TMEM35A: variants seen among roughly 807,000 people sequenced by gnomAD.
The protein encoded by TMEM35A is transmembrane protein 35A.
For missense variants in TMEM35A, 83 were observed against 132.7 expected, an observed-to-expected ratio of 0.63 and a Z score of 1.84; for synonymous variants, 50 against 54.7, an observed-to-expected ratio of 0.91 and a Z score of 0.38.
intron 1 of TMEM35A, among the ~76,000 whole-genome samples, chrX:101,093,620 A>T (rs5967243): frequency 0.015 from 1,669 of 112,193 alleles, 42 homozygotes; most frequent in African/African-American, 0.051. Flanking sequence ...GGCTAAAAAA[A>T]AGTATTAATG....
chrX:101,089,295 GT>G (rs2089316278), intron 1 of TMEM35A, among the ~76,000 whole-genome samples: 1 of 111,297 alleles, frequency 9.0e-6, no homozygotes, highest in African/African-American at 3.3e-5. Flanking sequence ...GACAAGGCAG[GT>G]TTAGGGAGAA....
chrX:101,092,137 C>T (rs915611257), intron 1 of TMEM35A, among the ~76,000 whole-genome samples: 4 of 110,453 alleles, frequency 3.6e-5, no homozygotes, highest in Admixed American at 2.0e-4. Context: ...AGAACAGTGC[C>T]TAGCACAAGG....
chrX:101,082,048 G>C (rs73551018), intron 1 of TMEM35A, among the ~76,000 whole-genome samples: 11,056 of 106,711 alleles, frequency 0.1, 1,311 homozygotes, highest in African/African-American at 0.33. Flanking sequence ...ACTGCCCAAT[G>C]CATATTTTCA....
intron 1 of TMEM35A, among the ~76,000 whole-genome samples, chrX:101,086,403 G>A (rs991836861): frequency 8.9e-6 from 1 of 112,414 alleles, no homozygotes; most frequent in African/African-American, 3.2e-5. Flanking sequence ...TTATAGGCGT[G>A]AGCCACTGCA....
intron 1 of TMEM35A, among the ~76,000 whole-genome samples, chrX:101,080,572 C>T (rs931295540): frequency 9.1e-6 from 1 of 109,784 alleles, no homozygotes; most frequent in African/African-American, 3.3e-5. Flanking sequence ...AATGAGTACC[C>T]GAGGCAGCCT....
At chrX:101,091,761 A>G (rs753735764) in intron 1 of TMEM35A, among the ~76,000 whole-genome samples, 31 of 111,980 alleles carry the variant, frequency 2.8e-4, no homozygotes, top group African/African-American at 8.4e-4. Flanking sequence ...CCCTATGCTG[A>G]ACTGAAGTGG....
intron 1 of TMEM35A, among the ~76,000 whole-genome samples, chrX:101,090,118 C>A (rs954724419): frequency 9.1e-6 from 1 of 110,056 alleles, no homozygotes; most frequent in Admixed American, 9.8e-5. Flanking sequence ...CTTTTCTAAC[C>A]ATACTTTCTT....
chrX:101,085,354 A>C (rs922495643), intron 1 of TMEM35A, among the ~76,000 whole-genome samples: 1 of 112,294 alleles, frequency 8.9e-6, no homozygotes, highest in Admixed American at 9.5e-5. Flanking sequence ...TAATCCCAGC[A>C]CTTTGGGAAG....
chrX:101,085,289 GA>G (rs1569495642), intron 1 of TMEM35A, among the ~76,000 whole-genome samples: 1 of 111,438 alleles, frequency 9.0e-6, no homozygotes, highest in Admixed American at 9.6e-5. Context: ...TGACAAAAAG[GA>G]AAAAAAGGTA....
At chrX:101,092,686 C>G (rs2089327343) in intron 1 of TMEM35A, among the ~76,000 whole-genome samples, 1 of 107,270 alleles carries the variant, frequency 9.3e-6, no homozygotes, top group African/African-American at 3.4e-5. Flanking sequence ...ATGGCGAAAC[C>G]CCATCTCTAC....
At chrX:101,089,593 A>G (rs1274841351) in intron 1 of TMEM35A, among the ~76,000 whole-genome samples, 3 of 108,061 alleles carry the variant, frequency 2.8e-5, no homozygotes, top group African/African-American at 1.0e-4. Flanking sequence ...AAAAAAAAAA[A>G]AAAATTAGCC....
chrX:101,090,553 C>T (rs1012711148), intron 1 of TMEM35A, among the ~76,000 whole-genome samples: 4 of 110,206 alleles, frequency 3.6e-5, no homozygotes, highest in African/African-American at 6.6e-5. Context: ...CATCCATTCT[C>T]TATCTTTAGT....
At chrX:101,082,936 C>T (rs2089296954) in intron 1 of TMEM35A, among the ~76,000 whole-genome samples, 1 of 111,490 alleles carries the variant, frequency 9.0e-6, no homozygotes. Flanking sequence ...TGAGCCACCA[C>T]CCCCAGCCTG....
chrX:101,089,758 G>GA (rs758110830), intron 1 of TMEM35A, among the ~76,000 whole-genome samples: 6,174 of 64,098 alleles, frequency 0.096, 579 homozygotes, highest in African/African-American at 0.28. Context: ...CCATATCAAA[G>GA]AAAAAAAAAA....
Position 101,078,968 on chromosome X carries a change from CAGA to C in TMEM35A, c.-32_-30del, listed in dbSNP as rs1228418897. The C allele has an allele frequency of 8.3e-7, 1 of 1,210,553 alleles. No homozygotes were observed. Among genetic ancestry groups the C allele is most frequent in the Non-Finnish European group, 1.1e-6 (1 of 894,925 alleles). On this transcript the variant is annotated 5_prime_UTR_variant, in exon 1 of 2. Transcript: ENST00000372930. ...CCTTGGACAGAGCGGGTGCGCAAAT[CAGA>C]AGGATTAGTTGGGACCTGCCTTGGC...
chrX:101,086,170 G>A (rs1005341251), intron 1 of TMEM35A, among the ~76,000 whole-genome samples: 3 of 111,248 alleles, frequency 2.7e-5, no homozygotes, highest in Non-Finnish European at 3.8e-5. Flanking sequence ...ACTCAGGCTG[G>A]AGTGAAATGG....
intron 1 of TMEM35A, among the ~76,000 whole-genome samples, chrX:101,090,327 ATTTTT>A (rs1199957258): frequency 3.0e-5 from 2 of 66,244 alleles, no homozygotes; most frequent in African/African-American, 1.1e-4. Context: ...TAATTTTTGT[ATTTTT>A]TTTTTTTTTT....
At chrX:101,090,165 C>CTTTTTTTTTTTTTTTTTTTTTTTTTT (rs1569495904) in intron 1 of TMEM35A, among the ~76,000 whole-genome samples, 1 of 98,161 alleles carries the variant, frequency 1.0e-5, no homozygotes, top group African/African-American at 5.1e-5. Flanking sequence ...CCATTTCTTT[C>CTTTTTTTTTTTTTTTTTTTTTTTTTT]TTTCTTTTTT....
Position 101,095,201 on chromosome X carries a change from C to T in TMEM35A, c.*245C>T, listed in dbSNP as rs761844. On this transcript the variant is annotated 3_prime_UTR_variant, in exon 2 of 2. Transcript: ENST00000372930. ...ACATCTTGCTGCATGTACATGTATA[C>T]GGCTACTATTGAAGTGTAATTGTGA... The T allele has an allele frequency of 0.029, 10,388 of 354,514 alleles. 825 individuals are homozygous for T. Among genetic ancestry groups the T allele is most frequent in the African/African-American group, 0.23 (8,748 of 38,186 alleles). The allele number at this position is 354,514 out of a possible 1,213,427, so 29.2% of individuals were successfully genotyped here.
Sources: gnomAD v4.1 joint callset for allele counts (sites outside exome capture counted in the v4.1 genomes callset) on GRCh38, gnomAD v4.1.1 for gene constraint, MANE v1.5 for transcripts, NCBI Gene and HGNC (gene_info 2026-07-23, HGNC 2026-07-21) for gene names.